CCDC39: variants seen among roughly 807,000 people sequenced by gnomAD.
CCDC39 encodes coiled-coil domain-containing protein 39.
CCDC39 carries 113 observed loss-of-function variants against 121.0 expected under a neutral mutation model. The ratio of observed to expected loss-of-function variants is 0.93; its 90% CI spans 0.80 to 1.09. The LOEUF is 1.09. Ranked by LOEUF, CCDC39 falls within the 50% of genes least tolerant of loss-of-function variation. The pLI, the probability that CCDC39 is intolerant of heterozygous loss-of-function variation, is 0.00. For missense variants in CCDC39, 1,063 were observed against 1,074.7 expected (o/e 0.99, Z 0.15); for synonymous variants, 349 against 352.2 (o/e 0.99, Z 0.10).
intron 14 of CCDC39, among the ~76,000 whole-genome samples, chr3:180,627,258 A>C (rs553816711): frequency 6.6e-4 from 100 of 152,366 alleles, no homozygotes; most frequent in African/African-American, 2.1e-3. Flanking sequence ...TAAGTATTAC[A>C]TAATTTTAAA....
intron 13 of CCDC39, among the ~76,000 whole-genome samples, chr3:180,639,656 T>C (rs1430683803): frequency 1.3e-5 from 2 of 152,018 alleles, no homozygotes; most frequent in Non-Finnish European, 2.9e-5. Context: ...ACCTGAGGGA[T>C]AAAGGACTAT....
At chr3:180,645,870 T>C (rs957630232) in intron 11 of CCDC39, among the ~76,000 whole-genome samples, 1 of 152,064 alleles carries the variant, frequency 6.6e-6, no homozygotes, top group African/African-American at 2.4e-5. Flanking sequence ...GAGGGAGCAG[T>C]CAGAGTAGTT....
intron 1 of CCDC39, among the ~76,000 whole-genome samples, chr3:180,676,657 G>C: frequency 6.6e-6 from 1 of 152,082 alleles, no homozygotes; most frequent in East Asian, 1.9e-4. Flanking sequence ...ATACCCAAAG[G>C]AATATAAATC....
In CCDC39 at chr3:180,647,081, G is replaced by A. The variant is rs760511976; in HGVS notation, c.1525C>T (p.His509Tyr). ...AAAATGTATTTTGGCTAAGTTACAT[G>A]AAGCTTCTTGATCTGTGTTTCCAAA... Reference protein sequence around the residue: ...GLLETQIKKLHNDLYFIKKAH... With the variant: ...GLLETQIKKLYNDLYFIKKAH... The change falls in exon 11 of 20, where the codon CAT (histidine) becomes TAT (tyrosine). Residue 509 changes from histidine (H) to tyrosine (Y), a missense_variant and splice_region_variant. Physicochemically the swap from His to Tyr is moderately conservative, Grantham distance 83 (BLOSUM62 2). Transcript: ENST00000476379. 1.9e-6 allele frequency: 3 copies of A among 1,603,584 alleles called. No individual in the cohort carries two copies. In the South Asian group the frequency reaches 3.4e-5, roughly 18 times the overall value.
At chr3:180,631,329 A>C (rs1717688913) in intron 14 of CCDC39, 140 bp downstream of exon 14, 1 of 755,154 alleles carries the variant, frequency 1.3e-6, no homozygotes, top group Non-Finnish European at 2.2e-6. Flanking sequence ...TAGTGGCCCT[A>C]ATTAAGTGAA....
At chr3:180,668,371 C>A (rs1254059133) in intron 1 of CCDC39, among the ~76,000 whole-genome samples, 1 of 151,986 alleles carries the variant, frequency 6.6e-6, no homozygotes, top group South Asian at 2.1e-4. Flanking sequence ...AAAATGAGAC[C>A]CTGTCTCAAA....
At chr3:180,615,700 G>A (rs917159732) in intron 19 of CCDC39, among the ~76,000 whole-genome samples, 6 of 151,982 alleles carry the variant, frequency 3.9e-5, no homozygotes, top group Admixed American at 1.3e-4. Flanking sequence ...AGGAGATTGT[G>A]AATTCTAAAA....
chr3:180,620,883 TTAAG>T (rs1033953605), intron 14 of CCDC39, among the ~76,000 whole-genome samples: 50 of 152,196 alleles, frequency 3.3e-4, no homozygotes, highest in African/African-American at 1.2e-3. Context: ...ATTGTACCCA[TTAAG>T]TAATTTCTCA....
intron 13 of CCDC39, among the ~76,000 whole-genome samples, chr3:180,634,245 C>T (rs1002752384): frequency 1.3e-5 from 2 of 151,802 alleles, no homozygotes; most frequent in South Asian, 4.2e-4. Context: ...GCTTCTGCCA[C>T]TGGCTCTGCA....
At chr3:180,653,077 C>T (rs1008271985) in intron 7 of CCDC39, among the ~76,000 whole-genome samples, 3 of 152,100 alleles carry the variant, frequency 2.0e-5, no homozygotes, top group African/African-American at 4.8e-5. Flanking sequence ...CTATTCAAAG[C>T]GATCTACAGA....
intron 1 of CCDC39, among the ~76,000 whole-genome samples, chr3:180,677,153 ATAATAATAATAATTTT>A (rs1426994403): frequency 2.3e-4 from 25 of 109,180 alleles, no homozygotes; most frequent in African/African-American, 1.0e-3. Flanking sequence ...TATAATAATA[ATAATAATAATAATTTT>A]ATATATATAT....
intron 14 of CCDC39, among the ~76,000 whole-genome samples, chr3:180,627,483 A>G (rs1419990102): frequency 1.3e-5 from 2 of 152,196 alleles, no homozygotes; most frequent in African/African-American, 2.4e-5. Context: ...AATTCCATGT[A>G]TAGCTTGAAG....
intron 6 of CCDC39, among the ~76,000 whole-genome samples, chr3:180,659,243 T>G (rs1014283263): frequency 1.3e-5 from 2 of 152,232 alleles, no homozygotes; most frequent in African/African-American, 4.8e-5. Context: ...CAGGATCCAG[T>G]GTTTGGAGTT....
chr3:180,619,340 T>C lies in CCDC39; in HGVS notation c.2184A>G (p.Gln728=), dbSNP rs1230848232. 1 of 1,537,516 alleles carries C rather than the reference T, an allele frequency of 6.5e-7. No homozygotes were observed. ...PSSDEYELKI[Q]LEEQKRAVDE... ...CAACAGCTCTTTTTTGTTCTTCTAG[T>C]TGAATTTTTAGCTCATACTCATCAC... The change falls in exon 16 of 20, where the codon CAA becomes CAG. Residue 728 remains glutamine (Q), a synonymous_variant. Coordinates refer to ENST00000476379, the MANE Select transcript of CCDC39 (RefSeq NM_181426.2).
chr3:180,643,998 T>C (rs960046353), intron 12 of CCDC39, 122 bp downstream of exon 12: 2 of 695,740 alleles, frequency 2.9e-6, no homozygotes, highest in South Asian at 5.5e-5. Flanking sequence ...ACACTGTTTA[T>C]ATTGGGTATA....
chr3:180,663,532 G>C (rs1425327792), intron 2 of CCDC39, among the ~76,000 whole-genome samples: 1 of 151,684 alleles, frequency 6.6e-6, no homozygotes, highest in Non-Finnish European at 1.5e-5. Flanking sequence ...AATTAGCTGG[G>C]GGTGGTGGGT....
rs1257822770 is a variant in CCDC39 at position 180,655,541 on chromosome 3, GAAA to G, written c.739-591_739-589del. ...TTTCCTGGCTTTCCAGGATAGGGAA[GAAA>G]AAAAAAAAGAAAAAGAAAAAGTAGA... On this transcript the variant is annotated intron_variant, in intron 6 of 19. Coordinates refer to ENST00000476379, the MANE Select transcript of CCDC39 (RefSeq NM_181426.2). Among the ~76,000 whole-genome samples the G allele has an allele frequency of 2.3e-5, 3 of 131,330 alleles. No individual in the cohort carries two copies. The Admixed American group carries it at 2.3e-4, about 10-fold the overall frequency. 86.2% of individuals were successfully genotyped at this position (131,330 alleles called of 152,430 possible).
At chr3:180,624,051 G>T (rs1333818911) in intron 14 of CCDC39, among the ~76,000 whole-genome samples, 1 of 151,858 alleles carries the variant, frequency 6.6e-6, no homozygotes, top group Non-Finnish European at 1.5e-5. Flanking sequence ...TTATTGTCTT[G>T]CTCTTTCTTT....
chr3:180,632,800 T>A (rs942872953), intron 13 of CCDC39, among the ~76,000 whole-genome samples: 1 of 151,566 alleles, frequency 6.6e-6, no homozygotes, highest in Non-Finnish European at 1.5e-5. Flanking sequence ...CTGAAAAAAA[T>A]CCAAACTCAG....
Sources: allele counts gnomAD v4.1 joint callset (sites outside exome capture counted in the v4.1 genomes callset), GRCh38; gene constraint gnomAD v4.1.1; transcripts MANE v1.5; gene names NCBI Gene and HGNC (gene_info 2026-07-23, HGNC 2026-07-21).